The following MBD5 variants were observed in gnomAD, a reference collection of about 807,000 sequenced individuals.
The protein encoded by MBD5 is methyl-CpG binding domain protein 5, also known as methyl-CpG-binding domain protein 5.
MBD5 carries 13 observed loss-of-function variants against 117.3 expected under a neutral mutation model. The ratio of observed to expected loss-of-function variants is 0.11; its 90% confidence interval spans 0.07 to 0.18. MBD5 has a LOEUF of 0.18. Ranked by LOEUF, MBD5 falls within the 10% of genes least tolerant of loss-of-function variation. MBD5 has a pLI of 1.00. For missense variants in MBD5, 1,879 were observed against 2,093.8 expected (o/e 0.90, Z 2.00); for synonymous variants, 727 against 766.4 (o/e 0.95, Z 0.85).
chr2:148,248,735 G>T (rs1700399791), intron 3 of MBD5, among the ~76,000 whole-genome samples: 1 of 152,048 alleles, frequency 6.6e-6, no homozygotes, highest in African/African-American at 2.4e-5. Context: ...AGATATGAAG[G>T]TTAATATAAC....
intron 4 of MBD5, among the ~76,000 whole-genome samples, chr2:148,446,607 T>TGTGTG (rs1236466009): frequency 6.6e-6 from 1 of 151,566 alleles, no homozygotes; most frequent in African/African-American, 2.4e-5. Context: ...TTTATCTGTG[T>TGTGTG]GTGTGTGTGT....
At chr2:148,323,666 G>A (rs1418458856) in intron 3 of MBD5, among the ~76,000 whole-genome samples, 21 of 152,134 alleles carry the variant, frequency 1.4e-4, no homozygotes, top group East Asian at 1.9e-4. Flanking sequence ...GTCTGTTCAT[G>A]TCCTTTGCCC....
At chr2:148,394,244 A>G (rs76345275) in intron 4 of MBD5, among the ~76,000 whole-genome samples, 18,908 of 152,110 alleles carry the variant, frequency 0.12, 1,564 homozygotes, top group Non-Finnish European at 0.19. Context: ...TGCTCTTTCT[A>G]TGTTTCCTGG....
At chr2:148,149,374 A>G (rs1320556972) in intron 1 of MBD5, among the ~76,000 whole-genome samples, 1 of 138,716 alleles carries the variant, frequency 7.2e-6, no homozygotes, top group Non-Finnish European at 1.5e-5. Flanking sequence ...AGTCTTTGCT[A>G]TTGTGAATAA....
chr2:148,067,043 T>A (rs1695217327), intron 1 of MBD5, among the ~76,000 whole-genome samples: 2 of 152,226 alleles, frequency 1.3e-5, no homozygotes, highest in South Asian at 4.1e-4. Context: ...TCAGTAAGTA[T>A]TTGTTGAACT....
At chr2:148,182,005 C>T (rs1367492926) in intron 2 of MBD5, among the ~76,000 whole-genome samples, 1 of 151,726 alleles carries the variant, frequency 6.6e-6, no homozygotes, top group East Asian at 1.9e-4. Context: ...ATATTATTTC[C>T]TTCCTTCCCA....
intron 4 of MBD5, among the ~76,000 whole-genome samples, chr2:148,366,315 T>C (rs1005399733): frequency 6.6e-6 from 1 of 152,204 alleles, no homozygotes; most frequent in Non-Finnish European, 1.5e-5. Flanking sequence ...TAGGTATTGA[T>C]GGAACGTATC....
intron 4 of MBD5, among the ~76,000 whole-genome samples, chr2:148,401,751 C>CT (rs1423218046): frequency 1.3e-5 from 2 of 152,100 alleles, no homozygotes. Context: ...TAAAGGCTTT[C>CT]TTTTCATTTC....
At chr2:148,217,976 A>G (rs952749482) in intron 2 of MBD5, among the ~76,000 whole-genome samples, 2 of 152,176 alleles carry the variant, frequency 1.3e-5, no homozygotes, top group African/African-American at 4.8e-5. Flanking sequence ...TTTTACTCCA[A>G]ATTGCAAGAC....
chr2:148,165,456 T>G (rs1264535679), intron 1 of MBD5, among the ~76,000 whole-genome samples: 1 of 152,066 alleles, frequency 6.6e-6, no homozygotes, highest in African/African-American at 2.4e-5. Context: ...TGAGGTAATC[T>G]TTTTATTATT....
At chr2:148,095,816 G>A (rs80188971) in intron 1 of MBD5, among the ~76,000 whole-genome samples, 69 of 151,556 alleles carry the variant, frequency 4.6e-4, no homozygotes, top group African/African-American at 1.7e-3. Flanking sequence ...TTCTGTGTTT[G>A]GAATGTTAAA....
intron 3 of MBD5, among the ~76,000 whole-genome samples, chr2:148,274,725 G>T (rs10180791): frequency 0.19 from 26,872 of 143,656 alleles, 2,695 homozygotes; most frequent in Non-Finnish European, 0.21. Context: ...GAGTTTTTTT[G>T]TTTTTTTTTT....
chr2:148,243,734 T>C (rs2106206033), intron 3 of MBD5: 1 of 152,250 alleles, frequency 6.6e-6, no homozygotes, highest in East Asian at 1.9e-4. Context: ...AAACTTGTTA[T>C]GACCAACGCT....
chr2:148,204,472 A>G lies in MBD5; in HGVS notation c.-831+25679A>G, dbSNP rs73009291. Among the ~76,000 whole-genome samples the G allele has an allele frequency of 5.8e-3, 887 of 152,348 alleles. 11 individuals carry two copies. Among genetic ancestry groups the G allele is most frequent in the African/African-American group, 0.021 (859 of 41,588 alleles). Reference sequence around the variant, plus strand: ...ATAATTTAAAATATAATTTTGATCTACATATTGAAAGAGCATACCATGGAC... The same window carrying G: ...ATAATTTAAAATATAATTTTGATCTGCATATTGAAAGAGCATACCATGGAC... On this transcript the variant is annotated intron_variant, in intron 2 of 13. Transcript: ENST00000642680.
intron 3 of MBD5, among the ~76,000 whole-genome samples, chr2:148,314,043 A>G (rs1702098189): frequency 6.6e-6 from 1 of 151,090 alleles, no homozygotes; most frequent in East Asian, 2.0e-4. Flanking sequence ...CGCCTTCTGC[A>G]TTGTTCTCGC....
At chr2:148,422,629 ACCC>A (rs1705645386) in intron 4 of MBD5, among the ~76,000 whole-genome samples, 2 of 152,226 alleles carry the variant, frequency 1.3e-5, no homozygotes, top group Admixed American at 1.3e-4. Context: ...GTAATAACAA[ACCC>A]CTCTGAGCTA....
At chr2:148,274,942 C>G (rs749732970) in intron 3 of MBD5, among the ~76,000 whole-genome samples, 5 of 152,000 alleles carry the variant, frequency 3.3e-5, no homozygotes, top group Admixed American at 6.6e-5. Context: ...AGACTGGTCT[C>G]GAACTCCTCA....
intron 1 of MBD5, among the ~76,000 whole-genome samples, chr2:148,165,865 C>T (rs1698115248): frequency 6.6e-6 from 1 of 152,000 alleles, no homozygotes; most frequent in Non-Finnish European, 1.5e-5. Context: ...CCTTAAATCA[C>T]TCATATGGAG....
intron 4 of MBD5, among the ~76,000 whole-genome samples, chr2:148,384,621 C>CAA (rs930253875): frequency 1.3e-5 from 2 of 152,052 alleles, no homozygotes; most frequent in Non-Finnish European, 2.9e-5. Context: ...CTTGAAAGTT[C>CAA]ATATGGAACC....
Sources: gnomAD v4.1 joint callset for allele counts (sites outside exome capture counted in the v4.1 genomes callset) on GRCh38, gnomAD v4.1.1 for gene constraint, MANE v1.5 for transcripts, NCBI Gene and HGNC (gene_info 2026-07-23, HGNC 2026-07-21) for gene names.